Variants in NEGR1 observed in about 807,000 individuals in gnomAD.
NEGR1 encodes IgLON family member 4.
In NEGR1, 10 loss-of-function variants were observed where a neutral mutation model predicts 40.9. The ratio of observed to expected loss-of-function variants is 0.24; its 90% CI spans 0.15 to 0.42. The LOEUF is 0.42. Ranked by LOEUF, NEGR1 falls within the 10% of genes least tolerant of loss-of-function variation. The pLI is 1.00. For missense variants in NEGR1, 352 were observed against 438.9 expected (o/e 0.80, Z 1.77); for synonymous variants, 185 against 166.8 (o/e 1.11, Z -0.84).
chr1:71,729,216 A>C (rs1396218766), intron 3 of NEGR1, among the ~76,000 whole-genome samples: 2 of 151,910 alleles, frequency 1.3e-5, no homozygotes, highest in Non-Finnish European at 2.9e-5. Context: ...TTGTGTGCAA[A>C]ATTTCTCTCT....
chr1:71,680,294 T>C (rs1652795243), intron 4 of NEGR1, among the ~76,000 whole-genome samples: 5 of 152,116 alleles, frequency 3.3e-5, no homozygotes, highest in Admixed American at 3.3e-4. Context: ...TCCATATCTT[T>C]AGTTACATAG....
At chr1:71,796,105 T>G (rs2101741855) in intron 2 of NEGR1, among the ~76,000 whole-genome samples, 1 of 152,318 alleles carries the variant, frequency 6.6e-6, no homozygotes, top group East Asian at 1.9e-4. Context: ...TATATTCTAA[T>G]TTTTAACATT....
At chr1:71,719,622 GT>G (rs202130534) in intron 3 of NEGR1, among the ~76,000 whole-genome samples, 14,340 of 146,600 alleles carry the variant, frequency 0.098, 1,008 homozygotes, top group African/African-American at 0.19. Context: ...AGGAGCCAGT[GT>G]TTTTTTTTTT....
At chr1:72,277,720 C>A (rs560998856) in intron 1 of NEGR1, among the ~76,000 whole-genome samples, 1 of 152,152 alleles carries the variant, frequency 6.6e-6, no homozygotes, top group African/African-American at 2.4e-5. Flanking sequence ...AAAACTATTT[C>A]TTCATAATAC....
chr1:71,634,804 G>A (rs1473731941), intron 4 of NEGR1, among the ~76,000 whole-genome samples: 2 of 152,080 alleles, frequency 1.3e-5, no homozygotes, highest in African/African-American at 4.8e-5. Flanking sequence ...TTTATTCATA[G>A]AAGGGTCTTA....
At position 71,464,557 on chromosome 1, in the gene NEGR1, G is replaced by A. The variant is rs148198647; in HGVS notation, c.941-56987C>T. ...ATTTAAAAATACCTGTTAAAAAATG[G>A]AAAATGAAAGATTGAGTTTTTATTA... is the stretch of plus-strand genomic sequence containing the variant. On this transcript the variant is annotated intron_variant, in intron 6 of 6. Coordinates refer to ENST00000357731, the MANE Select transcript of NEGR1 (RefSeq NM_173808.3). Among the ~76,000 whole-genome samples the A allele has an allele frequency of 6.7e-3, 1,025 of 152,090 alleles. 13 individuals carry two copies. Among genetic ancestry groups the A allele is most frequent in the Middle Eastern group, 0.02 (6 of 294 alleles).
chr1:71,811,896 T>TATTTC (rs928854952), intron 2 of NEGR1, among the ~76,000 whole-genome samples: 3 of 151,062 alleles, frequency 2.0e-5, no homozygotes, highest in African/African-American at 7.3e-5. Context: ...TATTTTATTT[T>TATTTC]ATTTTATTTT....
intron 1 of NEGR1, among the ~76,000 whole-genome samples, chr1:72,080,590 A>G (rs1046166585): frequency 1.2e-4 from 19 of 152,142 alleles, no homozygotes; most frequent in African/African-American, 4.3e-4. Flanking sequence ...TAATAAATCA[A>G]ATATTATGCA....
intron 6 of NEGR1, among the ~76,000 whole-genome samples, chr1:71,477,176 A>C (rs1646827053): frequency 6.6e-6 from 1 of 152,146 alleles, no homozygotes; most frequent in African/African-American, 2.4e-5. Flanking sequence ...AGTGTTTTTA[A>C]AAAGGCAACC....
At chr1:71,740,830 G>A (rs1336727156) in intron 3 of NEGR1, among the ~76,000 whole-genome samples, 2 of 151,998 alleles carry the variant, frequency 1.3e-5, no homozygotes, top group Non-Finnish European at 2.9e-5. Context: ...CATAAGTAAG[G>A]AATGGGGATA....
At chr1:72,256,090 T>A (rs1227070140) in intron 1 of NEGR1, among the ~76,000 whole-genome samples, 1 of 152,216 alleles carries the variant, frequency 6.6e-6, no homozygotes, top group Admixed American at 6.5e-5. Context: ...ATATACTTTA[T>A]AGAACAATAC....
intron 1 of NEGR1, among the ~76,000 whole-genome samples, chr1:72,165,359 A>G (rs1460980336): frequency 6.6e-6 from 1 of 152,054 alleles, no homozygotes; most frequent in Non-Finnish European, 1.5e-5. Context: ...ACATTAACTA[A>G]TAAAATTATT....
At chr1:71,985,443 G>T (rs1334728009) in intron 1 of NEGR1, among the ~76,000 whole-genome samples, 1 of 152,130 alleles carries the variant, frequency 6.6e-6, no homozygotes, top group East Asian at 1.9e-4. Context: ...GTTGTGATAT[G>T]AGAAAACTGG....
chr1:72,029,183 T>C (rs1425479548), intron 1 of NEGR1, among the ~76,000 whole-genome samples: 1 of 152,138 alleles, frequency 6.6e-6, no homozygotes, highest in Non-Finnish European at 1.5e-5. Flanking sequence ...AAGGCATTTA[T>C]TCAGAGGTAG....
At chr1:71,750,629 G>A (rs893354077) in intron 3 of NEGR1, among the ~76,000 whole-genome samples, 5 of 151,918 alleles carry the variant, frequency 3.3e-5, no homozygotes, top group East Asian at 1.9e-4. Flanking sequence ...ATTCACTATC[G>A]AGAACAGCAT....
At chr1:71,722,084 C>A (rs1570259000) in intron 3 of NEGR1, among the ~76,000 whole-genome samples, 1 of 152,122 alleles carries the variant, frequency 6.6e-6, no homozygotes, top group Middle Eastern at 3.4e-3. Context: ...GACTTTTCAA[C>A]AATTAAGTGC....
intron 1 of NEGR1, among the ~76,000 whole-genome samples, chr1:72,266,328 C>T (rs1655638512): frequency 6.6e-6 from 1 of 150,804 alleles, no homozygotes; most frequent in Non-Finnish European, 1.5e-5. Flanking sequence ...TAAGTACATA[C>T]ACTGTCAAAC....
chr1:72,061,886 T>A (rs1249284442), intron 1 of NEGR1, among the ~76,000 whole-genome samples: 1 of 151,744 alleles, frequency 6.6e-6, no homozygotes, highest in African/African-American at 2.4e-5. Flanking sequence ...CTTTCTCAGA[T>A]TATTTTATGA....
At chr1:71,873,734 C>A (rs1227652122) in intron 2 of NEGR1, among the ~76,000 whole-genome samples, 4 of 152,066 alleles carry the variant, frequency 2.6e-5, no homozygotes, top group Non-Finnish European at 2.9e-5. Context: ...TGGGTAATGC[C>A]ACCAGTGAGT....
Sources: allele counts gnomAD v4.1 joint callset (sites outside exome capture counted in the v4.1 genomes callset), GRCh38; gene constraint gnomAD v4.1.1; transcripts MANE v1.5; gene names NCBI Gene and HGNC (gene_info 2026-07-23, HGNC 2026-07-21).